The following DPP6 variants were observed in gnomAD, a reference collection of about 807,000 sequenced individuals.
DPP6 encodes A-type potassium channel modulatory protein DPP6.
A neutral mutation model predicts 122.6 loss-of-function variants in DPP6; 69 were observed. The observed-to-expected ratio is 0.56, with a 90% CI of 0.46 to 0.69. The LOEUF is 0.69. Ranked by LOEUF, DPP6 falls within the 30% of genes least tolerant of loss-of-function variation. The probability of loss-of-function intolerance (pLI) is 0.00; values close to 1 mark genes in which losing one functional copy is unlikely to be tolerated. For missense variants in DPP6, 928 were observed against 1,116.9 expected, an observed-to-expected ratio of 0.83 and a Z score of 2.41; for synonymous variants, 418 against 433.1, an observed-to-expected ratio of 0.97 and a Z score of 0.43.
At chr7:154,629,917 G>A (rs1294214424) in intron 5 of DPP6, among the ~76,000 whole-genome samples, 1 of 152,192 alleles carries the variant, frequency 6.6e-6, no homozygotes, top group Non-Finnish European at 1.5e-5. Context: ...GGTTTGCCAA[G>A]AGCCCCAGAG....
intron 1 of DPP6, among the ~76,000 whole-genome samples, chr7:153,982,269 T>C (rs947730069): frequency 6.6e-6 from 1 of 151,760 alleles, no homozygotes; most frequent in Non-Finnish European, 1.5e-5. Flanking sequence ...TCTAATCTTG[T>C]CTTCATTCTT....
intron 2 of DPP6, among the ~76,000 whole-genome samples, chr7:154,456,205 C>A (rs574496970): frequency 2.6e-5 from 4 of 152,278 alleles, no homozygotes; most frequent in Admixed American, 2.6e-4. Flanking sequence ...GTTCCAAATT[C>A]TCTGAACTCT....
intron 1 of DPP6, among the ~76,000 whole-genome samples, chr7:154,300,455 C>T (rs1429758620): frequency 6.6e-6 from 1 of 152,220 alleles, no homozygotes; most frequent in Non-Finnish European, 1.5e-5. Flanking sequence ...TTCCTAGACA[C>T]AAAGGGAGGC....
Position 154,549,266 on chromosome 7 carries a change from T to G in DPP6, c.552+8640T>G, listed in dbSNP as rs139260512. 5.9e-3 allele frequency among the ~76,000 whole-genome samples: 892 copies of G among 152,328 alleles called. 7 individuals are homozygous for G. The highest frequency in any genetic ancestry group is 0.02 in the African/African-American group (826 of 41,580). On this transcript the variant is annotated intron_variant, in intron 4 of 25. Transcript: ENST00000377770. The stretch of plus-strand genomic sequence containing the variant: ...GCCAGAAGGCTTTCATAAGAAAGTT[T>G]AGGAGAAGTGAAGGGGACTCCTCAT...
rs1563055861 is a variant in DPP6, at chr7:153,964,983, CCTTCCTTCCTTCCTTTCTTCCTTCCTT to C, written c.51+77251_51+77277del. Among the ~76,000 whole-genome samples the C allele has an allele frequency of 8.3e-4, 51 of 61,378 alleles. 1 individual carries two copies. Among genetic ancestry groups the C allele is most frequent in the African/African-American group, 3.1e-3 (38 of 12,384 alleles). 40.3% of individuals were successfully genotyped at this position (61,378 alleles called of 152,430 possible). ...TTCTTTCTTTCATTTCTTTTCCCTT[CCTTCCTTCCTTCCTTTCTTCCTTCCTT>C]CCTTCCTTCCTTCCTTCCTTCCTTT... On this transcript the variant is annotated intron_variant, in intron 1 of 25. Coordinates refer to the DPP6 transcript ENST00000404039.
At chr7:154,506,445 T>C (rs1825672569) in intron 3 of DPP6, among the ~76,000 whole-genome samples, 1 of 152,180 alleles carries the variant, frequency 6.6e-6, no homozygotes, top group African/African-American at 2.4e-5. Flanking sequence ...TTTAATGGTA[T>C]ATTTCATAAT....
At chr7:154,677,021 T>C (rs192893776) in intron 7 of DPP6, among the ~76,000 whole-genome samples, 6 of 152,350 alleles carry the variant, frequency 3.9e-5, no homozygotes, top group African/African-American at 1.2e-4. Context: ...ACAGTTAATA[T>C]ACTCTTCTAA....
intron 8 of DPP6, among the ~76,000 whole-genome samples, chr7:154,754,511 G>A (rs1176985187): frequency 6.6e-6 from 1 of 152,114 alleles, no homozygotes; most frequent in African/African-American, 2.4e-5. Flanking sequence ...CAAAATACTA[G>A]GAAGAAAAAT....
chr7:154,504,439 C>T (rs566797327), intron 3 of DPP6, among the ~76,000 whole-genome samples: 17 of 152,100 alleles, frequency 1.1e-4, no homozygotes, highest in Non-Finnish European at 2.4e-4. Context: ...AGCGATGTGA[C>T]GTATGATCAT....
chr7:154,159,275 T>C (rs1796853970), intron 1 of DPP6, among the ~76,000 whole-genome samples: 1 of 152,214 alleles, frequency 6.6e-6, no homozygotes, highest in Non-Finnish European at 1.5e-5. Flanking sequence ...TCCTGTTTCT[T>C]CAGTTCCACC....
chr7:154,862,403 A>C (rs1485123121), intron 17 of DPP6, among the ~76,000 whole-genome samples: 1 of 152,246 alleles, frequency 6.6e-6, no homozygotes, highest in Non-Finnish European at 1.5e-5. Context: ...TGCACGCGTG[A>C]GCAGCTGTCC....
At chr7:154,849,210 A>G (rs962506023) in intron 16 of DPP6, among the ~76,000 whole-genome samples, 3 of 152,150 alleles carry the variant, frequency 2.0e-5, no homozygotes, top group Admixed American at 1.3e-4. Context: ...TTCTGTTTCT[A>G]TGAAGAATGA....
the DPP6 span, among the ~76,000 whole-genome samples, chr7:153,791,256 C>T: frequency 1.3e-5 from 2 of 152,082 alleles, no homozygotes; most frequent in Non-Finnish European, 2.9e-5. Context: ...GAGAGCGTTC[C>T]ATGCAATGTC....
At chr7:154,284,870 A>G (rs991123836) in intron 1 of DPP6, among the ~76,000 whole-genome samples, 2 of 152,210 alleles carry the variant, frequency 1.3e-5, no homozygotes, top group Non-Finnish European at 2.9e-5. Context: ...AAAACAAAAC[A>G]AAACAAAAAC....
In DPP6 at chr7:154,013,078, TA is replaced by T. The variant is rs755407722; in HGVS notation, c.51+125345del. 3.9e-5 allele frequency among the ~76,000 whole-genome samples: 6 copies of T among 152,228 alleles called. No homozygotes were observed. In the South Asian group the frequency reaches 6.2e-4, roughly 16 times the overall value. ...CCACATTAAGGCCACTGCTCTCTGA[TA>T]GTCTCTGCCTCTCCCAGGCTGGAAA... On this transcript the variant is annotated intron_variant, in intron 1 of 25. Transcript: ENST00000404039.
rs574481369 is a variant in DPP6, at chr7:153,988,616, C to T, written c.51+100882C>T. Among the ~76,000 whole-genome samples the T allele has an allele frequency of 5.9e-5, 9 of 152,326 alleles. No homozygotes were observed. In the East Asian group the frequency reaches 1.7e-3, roughly 29 times the overall value. ...TCAAGGAGGGCATCGGGGGATGCTC[C>T]CACTGAGGAAGCTCAGAGCGGGGCC... On this transcript the variant is annotated intron_variant, in intron 1 of 25. Transcript: ENST00000404039.
intron 8 of DPP6, among the ~76,000 whole-genome samples, chr7:154,731,925 G>A (rs1842357688): frequency 6.6e-6 from 1 of 152,198 alleles, no homozygotes; most frequent in Admixed American, 6.5e-5. Context: ...AGGCATATGG[G>A]CAAAGAGTTG....
chr7:153,762,767 C>T, the DPP6 span, among the ~76,000 whole-genome samples: 30 of 152,004 alleles, frequency 2.0e-4, no homozygotes, highest in South Asian at 2.1e-3. Context: ...GCAACAGGAG[C>T]GAAACTCCAT....
intron 16 of DPP6, among the ~76,000 whole-genome samples, chr7:154,808,682 T>G (rs1798847806): frequency 6.6e-6 from 1 of 152,182 alleles, no homozygotes. Context: ...GGGCGGGATC[T>G]TCTTGAAATA....
Sources: allele counts gnomAD v4.1 joint callset (sites outside exome capture counted in the v4.1 genomes callset), GRCh38; gene constraint gnomAD v4.1.1; transcripts MANE v1.5; gene names NCBI Gene and HGNC (gene_info 2026-07-23, HGNC 2026-07-21).